TIAM1: variants seen among roughly 807,000 people sequenced by gnomAD.
The protein encoded by TIAM1 is rho guanine nucleotide exchange factor TIAM1.
Under a neutral mutation model 163.5 loss-of-function variants are expected in TIAM1, and 65 were observed. That is an observed-to-expected ratio of 0.40 (90% CI 0.33 to 0.49). The LOEUF (loss-of-function observed/expected upper bound fraction) is 0.49, where lower values mean the gene tolerates loss of function less well. TIAM1 is among the 20% of genes least tolerant of loss of function. TIAM1 has a pLI of 0.77. For missense variants in TIAM1, 1,789 were observed against 2,044.7 expected (o/e 0.87, Z 2.41); for synonymous variants, 833 against 810.1 (o/e 1.03, Z -0.48).
At chr21:31,559,064 C>A (rs996442183), upstream of TIAM1, 2 of 151,922 alleles carry the variant, frequency 1.3e-5, no homozygotes, top group Non-Finnish European at 2.9e-5. Context: ...CTCTGCCGGC[C>A]GCGCTCGAAC....
At chr21:31,247,199 G>A (rs958845880) in intron 5 of TIAM1, among the ~76,000 whole-genome samples, 108 of 151,872 alleles carry the variant, frequency 7.1e-4, no homozygotes, top group Middle Eastern at 3.4e-3. Flanking sequence ...CGGTTCCAGC[G>A]ACTCAGGTGG....
At chr21:31,336,345 C>T (rs941178479) in intron 2 of TIAM1, among the ~76,000 whole-genome samples, 13 of 152,092 alleles carry the variant, frequency 8.5e-5, no homozygotes, top group South Asian at 2.1e-4. Flanking sequence ...AAACTCCCTC[C>T]GGGGGGAAGA....
intron 2 of TIAM1, among the ~76,000 whole-genome samples, chr21:31,458,045 AC>A (rs1175916596): frequency 6.6e-6 from 1 of 152,226 alleles, no homozygotes; most frequent in Non-Finnish European, 1.5e-5. Flanking sequence ...TAGGGAGGCT[AC>A]TGAGGCCTGA....
chr21:31,203,214 C>A (rs2086289956), intron 11 of TIAM1, among the ~76,000 whole-genome samples: 2 of 152,200 alleles, frequency 1.3e-5, no homozygotes, highest in South Asian at 4.1e-4. Flanking sequence ...CCTTCGCCTC[C>A]TGGGTTCAAG....
chr21:31,263,293 G>A (rs151277194), intron 4 of TIAM1, among the ~76,000 whole-genome samples: 1,585 of 152,296 alleles, frequency 0.01, 14 homozygotes, highest in Non-Finnish European at 0.017. Context: ...AGATCCTGGG[G>A]CACAGAAGAT....
chr21:31,522,379 G>A (rs774761257), intron 1 of TIAM1, among the ~76,000 whole-genome samples: 4 of 151,086 alleles, frequency 2.6e-5, no homozygotes, highest in Non-Finnish European at 4.4e-5. Context: ...GCATGGTGGC[G>A]CATGCCTGTA....
chr21:31,484,709 C>T (rs754314899), intron 1 of TIAM1, among the ~76,000 whole-genome samples: 17 of 152,290 alleles, frequency 1.1e-4, no homozygotes, highest in Non-Finnish European at 2.1e-4. Context: ...TTTCTAGGAC[C>T]GTGACCCCAG....
chr21:31,137,946 T>C (rs1427641194), intron 22 of TIAM1, among the ~76,000 whole-genome samples: 1 of 150,108 alleles, frequency 6.7e-6, no homozygotes, highest in African/African-American at 2.5e-5. Context: ...CAACTGAAAA[T>C]GGGCTGATGC....
Position 31,436,253 on chromosome 21 carries a change from A to C in TIAM1, c.-369+27730T>G, listed in dbSNP as rs2044204675. Among the ~76,000 whole-genome samples the C allele has an allele frequency of 3.3e-5, 5 of 152,184 alleles. No individual in the cohort carries two copies. In the South Asian group the frequency reaches 1.0e-3, roughly 32 times the overall value. Reference sequence around the variant, plus strand: ...GCACCACGTAATATACACGTCATTCAATCACCAGTGTCCACCACTGCCTCT... The same window carrying C: ...GCACCACGTAATATACACGTCATTCCATCACCAGTGTCCACCACTGCCTCT... On this transcript the variant is annotated intron_variant, in intron 2 of 28. Transcript: ENST00000286827.
intron 2 of TIAM1, among the ~76,000 whole-genome samples, chr21:31,386,570 T>A (rs2076875458): frequency 6.6e-6 from 1 of 152,048 alleles, no homozygotes; most frequent in South Asian, 2.1e-4. Context: ...CCATATTGCA[T>A]GTGAGGCTAT....
chr21:31,394,925 C>T (rs946609627), intron 2 of TIAM1, among the ~76,000 whole-genome samples: 13 of 152,060 alleles, frequency 8.5e-5, no homozygotes, highest in African/African-American at 2.7e-4. Flanking sequence ...TACCCATGAG[C>T]TACAGGCATT....
At chr21:31,182,396 C>T (rs2085072780) in intron 15 of TIAM1, 25 bp downstream of exon 15, 2 of 1,503,454 alleles carry the variant, frequency 1.3e-6, no homozygotes, top group Admixed American at 2.3e-5. Flanking sequence ...TTCAGACTCG[C>T]CCCCAGCACC....
intron 2 of TIAM1, among the ~76,000 whole-genome samples, chr21:31,307,115 G>T (rs867479132): frequency 7.9e-5 from 12 of 152,166 alleles, no homozygotes; most frequent in African/African-American, 2.7e-4. Context: ...GGTGAAAACA[G>T]ATATGGATAA....
At chr21:31,412,498 G>A (rs117121958) in intron 2 of TIAM1, among the ~76,000 whole-genome samples, 2,694 of 151,964 alleles carry the variant, frequency 0.018, 40 homozygotes, top group South Asian at 0.043. Flanking sequence ...TAAGGTGCAC[G>A]AAGCCAGGCA....
Position 31,146,897 on chromosome 21 carries a change from T to G in TIAM1, c.3473A>C (p.Lys1158Thr). Reference sequence around the variant, plus strand: ...CTCCACATCCTCAGAGGCCTTACCTTTCACCAGGACCTTGGGAACTTTTGT... The same window carrying G: ...CTCCACATCCTCAGAGGCCTTACCTGTCACCAGGACCTTGGGAACTTTTGT... ...SHTKVPKVLV[K>T]AKTDTAFKAF... Residue 1158 changes from lysine to threonine, a missense_variant and splice_region_variant, in exon 20 of 28, where the codon AAA becomes ACA. Lys to Thr is a moderately conservative substitution (Grantham distance 78, BLOSUM62 -1). This residue lies in a region of TIAM1 where 60 missense variants were observed against 132.6 expected (regional missense o/e 0.45). Transcript: ENST00000541036. 6.2e-7 allele frequency: 1 copy of G among 1,613,814 alleles called. No homozygotes were observed. The highest frequency in any genetic ancestry group is 8.5e-7 in the Non-Finnish European group (1 of 1,179,794).
intron 2 of TIAM1, among the ~76,000 whole-genome samples, chr21:31,362,411 G>A (rs973117883): frequency 4.0e-5 from 6 of 150,806 alleles, no homozygotes; most frequent in Non-Finnish European, 4.4e-5. Context: ...TCTTCATGAC[G>A]AGTCATAGAT....
At chr21:31,273,562 G>A (rs1235738972) in intron 3 of TIAM1, among the ~76,000 whole-genome samples, 3 of 152,166 alleles carry the variant, frequency 2.0e-5, no homozygotes, top group Non-Finnish European at 2.9e-5. Flanking sequence ...CTCCACCCAC[G>A]GAGGTGAGAC....
At chr21:31,536,021 C>T (rs1010179986) in intron 1 of TIAM1, among the ~76,000 whole-genome samples, 3 of 152,066 alleles carry the variant, frequency 2.0e-5, no homozygotes, top group Non-Finnish European at 2.9e-5. Flanking sequence ...TTTCTAGAGG[C>T]GATGGTGCCT....
At chr21:31,337,242 G>A (rs913257024) in intron 2 of TIAM1, among the ~76,000 whole-genome samples, 4 of 152,124 alleles carry the variant, frequency 2.6e-5, no homozygotes, top group Non-Finnish European at 4.4e-5. Flanking sequence ...CTAGACCCAG[G>A]GCAAGATAAG....
Sources: allele counts gnomAD v4.1 joint callset (sites outside exome capture counted in the v4.1 genomes callset), GRCh38; gene constraint gnomAD v4.1.1; regional missense constraint gnomAD v4.1.1; transcripts MANE v1.5; gene names NCBI Gene and HGNC (gene_info 2026-07-23, HGNC 2026-07-21).